The following GUCY1A2 variants were observed in gnomAD, a reference collection of about 807,000 sequenced individuals.
GUCY1A2 encodes guanylate cyclase 1 soluble subunit alpha 2, also known as guanylate cyclase soluble subunit alpha-2.
Under a neutral mutation model 63.5 loss-of-function variants are expected in GUCY1A2, and 27 were observed. That is an observed-to-expected ratio of 0.43 (90% CI 0.31 to 0.59). The LOEUF is 0.59. GUCY1A2 is among the 20% of genes least tolerant of loss of function. The probability of loss-of-function intolerance (pLI) is 0.11; values close to 1 mark genes in which losing one functional copy is unlikely to be tolerated. For missense variants in GUCY1A2, 768 were observed against 913.3 expected (o/e 0.84, Z 2.05); for synonymous variants, 364 against 343.5 (o/e 1.06, Z -0.66).
intron 7 of GUCY1A2, among the ~76,000 whole-genome samples, chr11:106,695,145 TAC>T (rs1862694834): frequency 2.0e-5 from 3 of 152,146 alleles, no homozygotes; most frequent in Admixed American, 2.0e-4. Context: ...GGCATACACT[TAC>T]CACCTTCCTC....
chr11:106,761,755 G>C (rs1276123006), intron 6 of GUCY1A2, among the ~76,000 whole-genome samples: 1 of 152,114 alleles, frequency 6.6e-6, no homozygotes, highest in African/African-American at 2.4e-5. Flanking sequence ...ATTATGCTTA[G>C]AGCTCTGATA....
chr11:106,739,592 A>C (rs891290741), intron 6 of GUCY1A2, among the ~76,000 whole-genome samples: 3 of 152,180 alleles, frequency 2.0e-5, no homozygotes, highest in Non-Finnish European at 4.4e-5. Flanking sequence ...CCTGAATTCA[A>C]ACCTGTGGAG....
intron 6 of GUCY1A2, among the ~76,000 whole-genome samples, chr11:106,764,816 GCTTTTTT>G (rs1001957013): frequency 6.6e-6 from 1 of 151,850 alleles, no homozygotes; most frequent in Non-Finnish European, 1.5e-5. Context: ...AAAAAGCAAA[GCTTTTTT>G]CTTTTTTCCA....
intron 5 of GUCY1A2, among the ~76,000 whole-genome samples, chr11:106,787,416 T>TTTTTG (rs1410925117): frequency 0.015 from 7 of 454 alleles, no homozygotes; most frequent in Non-Finnish European, 0.028. Context: ...CCTTACTTTG[T>TTTTTG]TTTTTTTTTT....
At position 106,933,932 on chromosome 11, in the gene GUCY1A2, T is replaced by C. The variant is rs139151067; in HGVS notation, c.1206+5528A>G. Among the ~76,000 whole-genome samples the C allele has an allele frequency of 1.2e-3, 180 of 152,068 alleles. 1 individual carries two copies. Among genetic ancestry groups the C allele is most frequent in the Non-Finnish European group, 1.7e-3 (114 of 67,978 alleles). On this transcript the variant is annotated intron_variant, in intron 4 of 7. Coordinates refer to ENST00000526355, the MANE Select transcript of GUCY1A2 (RefSeq NM_000855.3). Reference sequence around the variant, plus strand: ...CTCATGGACATAAAGATGGCAACAATAGACATTGAAGACTACTGGATGGGA... The same window carrying C: ...CTCATGGACATAAAGATGGCAACAACAGACATTGAAGACTACTGGATGGGA...
intron 4 of GUCY1A2, among the ~76,000 whole-genome samples, chr11:106,921,968 G>C (rs1860450170): frequency 6.6e-6 from 1 of 152,086 alleles, no homozygotes; most frequent in Admixed American, 6.6e-5. Context: ...TCATTTCTTT[G>C]TCTAAGTAAA....
chr11:106,734,813 G>A (rs563519227), intron 6 of GUCY1A2, among the ~76,000 whole-genome samples: 12 of 152,076 alleles, frequency 7.9e-5, no homozygotes, highest in East Asian at 5.8e-4. Flanking sequence ...GGAACATCTC[G>A]ATTTTAGCGG....
intron 4 of GUCY1A2, among the ~76,000 whole-genome samples, chr11:106,833,391 C>T (rs1455129992): frequency 6.6e-6 from 1 of 152,060 alleles, no homozygotes; most frequent in East Asian, 1.9e-4. Context: ...AGTGGTCCGC[C>T]TGTGATCTAA....
At chr11:106,992,432 C>T (rs1396795526) in intron 1 of GUCY1A2, among the ~76,000 whole-genome samples, 1 of 149,860 alleles carries the variant, frequency 6.7e-6, no homozygotes, top group Admixed American at 6.7e-5. Context: ...CGGGTTCAAG[C>T]GATTCTCCTG....
At chr11:106,747,121 C>T (rs554000676) in intron 6 of GUCY1A2, among the ~76,000 whole-genome samples, 2 of 152,134 alleles carry the variant, frequency 1.3e-5, no homozygotes, top group East Asian at 1.9e-4. Flanking sequence ...CCAAATAGCT[C>T]GGACTACAGG....
chr11:106,785,884 T>TC (rs1204438039), intron 5 of GUCY1A2, among the ~76,000 whole-genome samples: 2 of 151,956 alleles, frequency 1.3e-5, no homozygotes, highest in East Asian at 3.9e-4. Context: ...ACCTTTTTTT[T>TC]TTTTTAAAGA....
chr11:106,892,021 A>G (rs1859981600), intron 4 of GUCY1A2, among the ~76,000 whole-genome samples: 1 of 152,100 alleles, frequency 6.6e-6, no homozygotes, highest in Non-Finnish European at 1.5e-5. Context: ...ATCCATGAAC[A>G]TAGTATATTT....
intron 4 of GUCY1A2, chr11:106,827,392 C>A: frequency 1.3e-6 from 2 of 1,534,146 alleles, no homozygotes; most frequent in South Asian, 2.2e-5. Flanking sequence ...CACTTCACAG[C>A]CTTCAATTTC....
At chr11:106,874,090 T>C (rs1168879976) in intron 4 of GUCY1A2, among the ~76,000 whole-genome samples, 1 of 152,170 alleles carries the variant, frequency 6.6e-6, no homozygotes, top group Non-Finnish European at 1.5e-5. Context: ...CTCATTACAT[T>C]GAGAGTTTCA....
chr11:106,792,930 T>C (rs988569737), intron 5 of GUCY1A2, among the ~76,000 whole-genome samples: 2 of 152,288 alleles, frequency 1.3e-5, no homozygotes, highest in African/African-American at 2.4e-5. Context: ...AAATTAATAT[T>C]GTAAAAATGT....
intron 4 of GUCY1A2, among the ~76,000 whole-genome samples, chr11:106,907,064 C>G (rs886098298): frequency 1.3e-5 from 2 of 152,006 alleles, no homozygotes; most frequent in African/African-American, 4.8e-5. Flanking sequence ...TGCACATGTA[C>G]CCCAGAACTT....
intron 1 of GUCY1A2, among the ~76,000 whole-genome samples, chr11:106,998,615 T>A (rs1279349874): frequency 6.6e-6 from 1 of 152,166 alleles, no homozygotes; most frequent in Non-Finnish European, 1.5e-5. Flanking sequence ...AACTGGAATT[T>A]CCAAGGCAAA....
intron 6 of GUCY1A2, among the ~76,000 whole-genome samples, chr11:106,733,253 A>G (rs1226662758): frequency 6.6e-6 from 1 of 152,142 alleles, no homozygotes; most frequent in Admixed American, 6.6e-5. Flanking sequence ...TTTTATATAC[A>G]TAAACATATA....
At chr11:106,926,963 C>T (rs980117095) in intron 4 of GUCY1A2, among the ~76,000 whole-genome samples, 2 of 149,684 alleles carry the variant, frequency 1.3e-5, no homozygotes, top group Non-Finnish European at 3.0e-5. Flanking sequence ...GACAATTGTG[C>T]ATTCTCTTCT....
Sources: gnomAD v4.1 joint callset for allele counts (sites outside exome capture counted in the v4.1 genomes callset) on GRCh38, gnomAD v4.1.1 for gene constraint, MANE v1.5 for transcripts, NCBI Gene and HGNC (gene_info 2026-07-23, HGNC 2026-07-21) for gene names.